MTA1: variants seen among roughly 807,000 people sequenced by gnomAD.
MTA1 encodes the protein metastasis-associated protein MTA1.
Under a neutral mutation model 97.0 loss-of-function variants are expected in MTA1, and 15 were observed. The ratio of observed to expected loss-of-function variants is 0.15; its 90% CI spans 0.10 to 0.24. The LOEUF is 0.24. MTA1 is among the 10% of genes least tolerant of loss of function. The probability of loss-of-function intolerance (pLI) is 1.00; values close to 1 mark genes in which losing one functional copy is unlikely to be tolerated. For synonymous variants in MTA1, 435 were observed against 417.5 expected (o/e 1.04, Z -0.51); for missense variants, 709 against 1,015.1 (o/e 0.70, Z 4.10).
chr14:105,469,159 A>T, intron 18 of MTA1: 2 of 600,136 alleles, frequency 3.3e-6, no homozygotes, highest in Non-Finnish European at 6.3e-6. Context: ...TCGGCACGGC[A>T]GGCAAGTGGG....
intron 1 of MTA1, among the ~76,000 whole-genome samples, chr14:105,435,581 C>T (rs587603078): frequency 6.6e-6 from 1 of 152,330 alleles, no homozygotes; most frequent in Non-Finnish European, 1.5e-5. Context: ...ATGGCGTTCT[C>T]ACTGTCAGCT....
At chr14:105,469,429 C>T (rs2083736053) in intron 18 of MTA1, 38 bp from the exon 19 acceptor site, 1 of 1,611,298 alleles carries the variant, frequency 6.2e-7, no homozygotes, top group Non-Finnish European at 8.5e-7. Context: ...AGGACGCGCT[C>T]TCTCGGGGCC....
At chr14:105,425,839 A>G (rs587746436) in intron 1 of MTA1, among the ~76,000 whole-genome samples, 5 of 150,438 alleles carry the variant, frequency 3.3e-5, no homozygotes, top group African/African-American at 9.8e-5. Flanking sequence ...CGCCCCACCA[A>G]TGTGCCCCCG....
In MTA1 at chr14:105,422,245, G is replaced by T. The variant is rs1404377208; in HGVS notation, c.28+2182G>T. 1.3e-5 allele frequency among the ~76,000 whole-genome samples: 2 copies of T among 152,116 alleles called. No individual in the cohort carries two copies. The highest frequency in any genetic ancestry group is 1.3e-4 in the Admixed American group (2 of 15,272). On this transcript the variant is annotated intron_variant, in intron 1 of 20. Coordinates refer to ENST00000331320, the MANE Select transcript of MTA1 (RefSeq NM_004689.4). This position sits in a 1 kb window ranked among gnomAD's most constrained non-coding sequence, Gnocchi z 4.3. The stretch of plus-strand genomic sequence containing the variant: ...CCCTGGCTTCTGGACCGGAACCCTG[G>T]GTTCCGGCAGGACCCCGGCAGAGCC...
At chr14:105,426,530 C>T (rs1001919317) in intron 1 of MTA1, among the ~76,000 whole-genome samples, 1 of 152,172 alleles carries the variant, frequency 6.6e-6, no homozygotes, top group Non-Finnish European at 1.5e-5. Context: ...TGAGGTGTGG[C>T]GTTCTCTGGG....
In MTA1 at chr14:105,432,327, G is replaced by A. The variant is rs587640245; in HGVS notation, c.29-6345G>A. Among the ~76,000 whole-genome samples, 85 of 152,172 alleles carry A rather than the reference G, an allele frequency of 5.6e-4. 1 individual carries two copies. The highest frequency in any genetic ancestry group is 2.0e-3 in the African/African-American group (82 of 41,522). ...GTGATCTCGGCTCACCGCAACCTCTGCCTCCTGGGTTCAAGCAATTATCCT... is the reference window on the plus strand; with the variant it reads ...GTGATCTCGGCTCACCGCAACCTCTACCTCCTGGGTTCAAGCAATTATCCT... On this transcript the variant is annotated intron_variant, in intron 1 of 20. Coordinates refer to ENST00000331320, the MANE Select transcript of MTA1 (RefSeq NM_004689.4).
intron 18 of MTA1, 68 bp from the exon 19 acceptor site, chr14:105,469,399 G>T (rs1346407873): frequency 3.9e-6 from 6 of 1,555,556 alleles, no homozygotes; most frequent in Non-Finnish European, 5.3e-6. Context: ...GGCTGAGGCC[G>T]TGGTGGGCGG....
chr14:105,461,947 C>T (rs1473016024), intron 10 of MTA1, among the ~76,000 whole-genome samples: 4 of 152,200 alleles, frequency 2.6e-5, no homozygotes, highest in Admixed American at 6.5e-5. Context: ...GACAAGAGGA[C>T]GAGGGCTAGA....
Position 105,470,119 on chromosome 14 carries a change from C to T in MTA1, c.2052C>T (p.Pro684=). 1.2e-6 allele frequency: 2 copies of T among 1,612,546 alleles called. No individual in the cohort carries two copies. The highest frequency in any genetic ancestry group is 1.7e-6 in the Non-Finnish European group (2 of 1,179,836). ...SSETKRAARR[P]YKPIALRQSQ... ...AAACCAAGCGTGCTGCCCGCCGGCC[C>T]TACAAGCCCATCGCCCTGCGCCAGA... Residue 684 remains proline, a synonymous_variant, in exon 21 of 21, where the codon CCC becomes CCT. Coordinates refer to ENST00000331320, the MANE Select transcript of MTA1 (RefSeq NM_004689.4).
rs1441619677 is a variant in MTA1, at chr14:105,470,092, G to A, written c.2025G>A (p.Ser675=). The A allele has an allele frequency of 2.5e-6, 4 of 1,612,494 alleles. No individual in the cohort carries two copies. The highest frequency in any genetic ancestry group is 2.2e-5 in the East Asian group (1 of 44,890). The change falls in exon 21 of 21, where the codon TCG becomes TCA. Residue 675 remains serine, a synonymous_variant. Coordinates refer to ENST00000331320, the MANE Select transcript of MTA1 (RefSeq NM_004689.4). ...AGATCCGCAAGCTGCTCTCATCCTC[G>A]GAAACCAAGCGTGCTGCCCGCCGGC... The part of the protein sequence containing the change: ...TRKIRKLLSS[S]ETKRAARRPY...
chr14:105,426,497 G>A (rs1048488794), intron 1 of MTA1, among the ~76,000 whole-genome samples: 3 of 152,016 alleles, frequency 2.0e-5, no homozygotes, highest in Non-Finnish European at 4.4e-5. Flanking sequence ...CAGCAAGGGC[G>A]CAGCGCACGT....
chr14:105,460,658 C>T, intron 9 of MTA1, 107 bp from the exon 10 acceptor site: 5 of 1,320,710 alleles, frequency 3.8e-6, no homozygotes, highest in Non-Finnish European at 5.1e-6. Flanking sequence ...GGTTGTGCTG[C>T]TGGGCCTGCA....
chr14:105,467,898 C>CA (rs1308645607), intron 18 of MTA1: 2 of 242,624 alleles, frequency 8.2e-6, no homozygotes, highest in Non-Finnish European at 1.6e-5. Context: ...CAGCAAGTTA[C>CA]ATAAAAGCTT....
At position 105,466,420 on chromosome 14, in the gene MTA1, C is replaced by A; in HGVS notation, c.1625-6C>A. The A allele has an allele frequency of 6.3e-7, 1 of 1,598,864 alleles. No individual in the cohort carries two copies. On this transcript the variant is annotated splice_polypyrimidine_tract_variant and splice_region_variant and intron_variant, in intron 16 of 20. Transcript: ENST00000331320. ...CAACTCGTTCTGCCTGTGTCATTCC[C>A]GGCAGAGACCCACCCCCGCCCCCCC...
intron 4 of MTA1, 99 bp downstream of exon 4, chr14:105,449,508 C>A: frequency 7.5e-7 from 1 of 1,335,428 alleles, no homozygotes; most frequent in Non-Finnish European, 1.0e-6. Context: ...GGGCCGCCTG[C>A]ATGCCTGTGC....
intron 6 of MTA1, 141 bp from the exon 7 acceptor site, chr14:105,454,052 C>T (rs2083049007): frequency 1.7e-6 from 1 of 586,818 alleles, no homozygotes; most frequent in East Asian, 3.1e-5. Flanking sequence ...CTCCTGCGCC[C>T]TCCCTCCCTC....
intron 2 of MTA1, among the ~76,000 whole-genome samples, chr14:105,445,089 C>A (rs2082671190): frequency 6.6e-6 from 1 of 152,182 alleles, no homozygotes; most frequent in African/African-American, 2.4e-5. Context: ...CAGGAGCTGA[C>A]TGAGGTCCTA....
At position 105,466,464 on chromosome 14, in the gene MTA1, A is replaced by G. The variant is rs1555432836; in HGVS notation, c.1663A>G (p.Ser555Gly). The G allele has an allele frequency of 1.4e-6, 2 of 1,461,186 alleles. No homozygotes were observed. Among genetic ancestry groups the G allele is most frequent in the African/African-American group, 2.9e-5 (2 of 69,246 alleles). 90.5% of individuals were successfully genotyped at this position (1,461,186 alleles called of 1,614,324 possible). A position where few individuals can be genotyped will look rare whatever the true frequency, so the allele number is the denominator to read the frequency against. The change falls in exon 17 of 21, where the codon AGC becomes GGC. Residue 555 changes from serine (S) to glycine (G), a missense_variant. Ser to Gly is a moderately conservative substitution (Grantham distance 56, BLOSUM62 0). This residue lies in a region of MTA1 where 388 missense variants were observed against 421.6 expected (regional missense o/e 0.92). Coordinates refer to ENST00000331320, the MANE Select transcript of MTA1 (RefSeq NM_004689.4). ...CCCCCCCAAGCCTGACCCCGTGAAA[A>G]GCGTGTCCAGCGTGCTCAGCAGCCT... ...PRPPKPDPVK[S>G]VSSVLSSLTP...
At chr14:105,447,972 G>A (rs1289972389) in intron 3 of MTA1, among the ~76,000 whole-genome samples, 1 of 152,178 alleles carries the variant, frequency 6.6e-6, no homozygotes, top group African/African-American at 2.4e-5. Context: ...CCCAGCCCCT[G>A]CTGGGGCGTC....
Sources: gnomAD v4.1 joint callset for allele counts (sites outside exome capture counted in the v4.1 genomes callset) on GRCh38, gnomAD v4.1.1 for gene constraint, gnomAD v4.1.1 regional missense constraint, Gnocchi (gnomAD v3.1) non-coding constraint, MANE v1.5 for transcripts, NCBI Gene and HGNC (gene_info 2026-07-23, HGNC 2026-07-21) for gene names.